The following LINGO2 variants were observed in gnomAD, a reference collection of about 807,000 sequenced individuals.
The protein encoded by LINGO2 is leucine-rich repeat and immunoglobulin-like domain-containing nogo receptor-interacting protein 2.
LINGO2 carries 14 observed loss-of-function variants against 30.6 expected under a neutral mutation model. That is an observed-to-expected ratio of 0.46 (90% confidence interval 0.30 to 0.72). LINGO2 has a LOEUF of 0.72. LINGO2 is among the 30% of genes least tolerant of loss of function. The pLI is 0.07. For missense variants in LINGO2, 729 were observed against 751.7 expected (o/e 0.97, Z 0.35); for synonymous variants, 317 against 288.5 (o/e 1.10, Z -1.00).
At chr9:28,200,955 G>A in intron 4 of LINGO2, among the ~76,000 whole-genome samples, 1 of 150,012 alleles carries the variant, frequency 6.7e-6, no homozygotes, top group South Asian at 2.1e-4. Context: ...CAAGACTCCT[G>A]ACCTGGTTAC....
At chr9:28,924,494 T>C in the LINGO2 span, among the ~76,000 whole-genome samples, 3 of 152,264 alleles carry the variant, frequency 2.0e-5, no homozygotes, top group South Asian at 6.2e-4. Context: ...TTGCTGGGAT[T>C]ACAAGCATGA....
intron 4 of LINGO2, among the ~76,000 whole-genome samples, chr9:28,096,783 A>G (rs1264446190): frequency 6.6e-6 from 1 of 152,002 alleles, no homozygotes; most frequent in African/African-American, 2.4e-5. Flanking sequence ...AACAACATGG[A>G]AAACACTGAA....
At chr9:28,836,620 C>T in the LINGO2 span, among the ~76,000 whole-genome samples, 1 of 152,056 alleles carries the variant, frequency 6.6e-6, no homozygotes, top group South Asian at 2.1e-4. Context: ...CTGGCCCTAA[C>T]AATATTTTTA....
chr9:29,058,222 G>C, the LINGO2 span, among the ~76,000 whole-genome samples: 1 of 151,994 alleles, frequency 6.6e-6, no homozygotes, highest in Non-Finnish European at 1.5e-5. Context: ...AAACAAAATA[G>C]AGAATAAACA....
chr9:28,045,815 A>T (rs1184162733), intron 4 of LINGO2, among the ~76,000 whole-genome samples: 1 of 152,198 alleles, frequency 6.6e-6, no homozygotes, highest in East Asian at 1.9e-4. Flanking sequence ...CATATGGGTA[A>T]GCGGCAAGGG....
the LINGO2 span, among the ~76,000 whole-genome samples, chr9:28,839,542 T>G: frequency 2.0e-5 from 3 of 152,188 alleles, no homozygotes; most frequent in East Asian, 5.8e-4. Flanking sequence ...TCCCCACATC[T>G]GCTCAGCTAT....
the LINGO2 span, among the ~76,000 whole-genome samples, chr9:29,083,652 A>AAT: frequency 0.2 from 29,889 of 151,906 alleles, 3,082 homozygotes; most frequent in African/African-American, 0.24. Flanking sequence ...ATGAAAAAAA[A>AAT]AATAGCTGGG....
chr9:29,032,679 G>A, the LINGO2 span, among the ~76,000 whole-genome samples: 1 of 152,072 alleles, frequency 6.6e-6, no homozygotes, highest in Middle Eastern at 3.2e-3. Context: ...AGAAACAGAT[G>A]CCAAAGCCTG....
the LINGO2 span, among the ~76,000 whole-genome samples, chr9:28,727,574 C>T: frequency 6.6e-6 from 1 of 152,164 alleles, no homozygotes; most frequent in Non-Finnish European, 1.5e-5. Flanking sequence ...AGGCGTGAGC[C>T]ACCACGCCCG....
chr9:28,490,305 T>C (rs1465619336), intron 1 of LINGO2, among the ~76,000 whole-genome samples: 1 of 152,180 alleles, frequency 6.6e-6, no homozygotes, highest in Non-Finnish European at 1.5e-5. Flanking sequence ...GGTTCTCAAA[T>C]GTAGTCTATA....
chr9:28,199,820 G>A (rs1820162118), intron 4 of LINGO2, among the ~76,000 whole-genome samples: 1 of 151,862 alleles, frequency 6.6e-6, no homozygotes, highest in Non-Finnish European at 1.5e-5. Flanking sequence ...TATAATACAT[G>A]ACCAATACAT....
the LINGO2 span, among the ~76,000 whole-genome samples, chr9:29,162,443 C>T: frequency 2.0e-5 from 3 of 152,138 alleles, no homozygotes; most frequent in East Asian, 5.8e-4. Flanking sequence ...TTATAAACTT[C>T]AGAGAAAGGA....
chr9:29,173,818 T>G, the LINGO2 span, among the ~76,000 whole-genome samples: 2 of 152,126 alleles, frequency 1.3e-5, no homozygotes, highest in Non-Finnish European at 2.9e-5. Context: ...AATATGTAAT[T>G]CATGAGAATA....
chr9:28,211,513 C>T (rs113686192), intron 4 of LINGO2, among the ~76,000 whole-genome samples: 1 of 151,194 alleles, frequency 6.6e-6, no homozygotes, highest in Non-Finnish European at 1.5e-5. Flanking sequence ...CTCTCTCTAC[C>T]ACAATTCTAA....
intron 1 of LINGO2, among the ~76,000 whole-genome samples, chr9:28,548,064 A>G (rs892706129): frequency 3.3e-5 from 5 of 152,146 alleles, no homozygotes; most frequent in African/African-American, 1.2e-4. Flanking sequence ...GCTATGGAAA[A>G]GCAGGAACCT....
At chr9:28,231,495 T>G (rs184134512) in intron 4 of LINGO2, among the ~76,000 whole-genome samples, 5 of 152,100 alleles carry the variant, frequency 3.3e-5, no homozygotes, top group African/African-American at 1.2e-4. Flanking sequence ...TATGAAAATC[T>G]AGAATTTAAT....
At chr9:28,909,210 AAT>A in the LINGO2 span, among the ~76,000 whole-genome samples, 24 of 152,020 alleles carry the variant, frequency 1.6e-4, no homozygotes, top group Admixed American at 3.9e-4. Flanking sequence ...CAGACATGCA[AAT>A]ATGTCACTTA....
chr9:28,104,806 C>A (rs1248537414), intron 4 of LINGO2, among the ~76,000 whole-genome samples: 1 of 151,892 alleles, frequency 6.6e-6, no homozygotes. Flanking sequence ...CAAAAGAAAT[C>A]AAAGAAATAT....
chr9:29,079,536 G>C, the LINGO2 span, among the ~76,000 whole-genome samples: 1 of 151,878 alleles, frequency 6.6e-6, no homozygotes, highest in East Asian at 1.9e-4. Context: ...CTACATACTA[G>C]CTTACCTAAA....
Sources: gnomAD v4.1 joint callset for allele counts (sites outside exome capture counted in the v4.1 genomes callset) on GRCh38, gnomAD v4.1.1 for gene constraint, MANE v1.5 for transcripts, NCBI Gene and HGNC (gene_info 2026-07-23, HGNC 2026-07-21) for gene names.